Variants in ERCC8 observed in about 807,000 individuals in gnomAD.
ERCC8 encodes ERCC excision repair 8, CSA ubiquitin ligase complex subunit.
ERCC8 carries 52 observed loss-of-function variants against 54.9 expected under a neutral mutation model. That is an observed-to-expected ratio of 0.95 (90% CI 0.76 to 1.19). The LOEUF is 1.19. Ranked by LOEUF, ERCC8 falls within the 50% of genes most tolerant of loss-of-function variation. The pLI, the probability that ERCC8 is intolerant of heterozygous loss-of-function variation, is 0.00. For missense variants in ERCC8, 514 were observed against 466.1 expected (o/e 1.10, Z -0.95); for synonymous variants, 146 against 157.2 (o/e 0.93, Z 0.53).
intron 11 of ERCC8, among the ~76,000 whole-genome samples, chr5:60,883,372 C>T (rs963099876): frequency 2.0e-5 from 3 of 152,182 alleles, no homozygotes; most frequent in African/African-American, 7.2e-5. Flanking sequence ...ACCCACTGAT[C>T]AAGTGTCACT....
At chr5:60,882,990 C>CACACACAT (rs1748285556) in intron 11 of ERCC8, among the ~76,000 whole-genome samples, 1 of 151,426 alleles carries the variant, frequency 6.6e-6, no homozygotes, top group African/African-American at 2.4e-5. Flanking sequence ...CACACACACA[C>CACACACAT]ACACACACAC....
chr5:60,903,398 G>A (rs919753311), intron 6 of ERCC8: 6 of 476,534 alleles, frequency 1.3e-5, no homozygotes, highest in African/African-American at 8.0e-5. Flanking sequence ...AATAACACAA[G>A]GTTTTGAGTT....
Position 60,868,523 on chromosome 5 carries a change from T to G in ERCC8, c.*6092A>C, listed in dbSNP as rs1747799687. Among the ~76,000 whole-genome samples the G allele has an allele frequency of 6.6e-6, 1 of 152,202 alleles. No homozygotes were observed. Among genetic ancestry groups the G allele is most frequent in the East Asian group, 1.9e-4 (1 of 5,190 alleles). On this transcript the variant is annotated 3_prime_UTR_variant, in exon 12 of 12. Transcript: ENST00000676185. ...AAATTTTAATTGTCTAATTATTAGG[T>G]TGGTGCAAAAGTAATTGCAGTTTTT...
chr5:60,917,567 G>A (rs1749473355), intron 4 of ERCC8: 1 of 152,032 alleles, frequency 6.6e-6, no homozygotes, highest in African/African-American at 2.4e-5. Flanking sequence ...GTAAAGGCAA[G>A]GTAAATAGAA....
rs57423118 is a variant in ERCC8, at chr5:60,870,482, T to TAAAAAAAAAAA, written c.*4122_*4132dup. On this transcript the variant is annotated 3_prime_UTR_variant, in exon 12 of 12. Transcript: ENST00000676185. ...CAACATGGTGAAACCCCACCTCTGC[T>TAAAAAAAAAAA]AAAAAAAAAAAAAAAAAAAAAAAAA... Among the ~76,000 whole-genome samples the TAAAAAAAAAAA allele has an allele frequency of 1.4e-4, 7 of 48,790 alleles. No homozygotes were observed. The highest frequency in any genetic ancestry group is 2.8e-4 in the Admixed American group (1 of 3,606). The allele number at this position is 48,790 out of a possible 152,430, so 32.0% of individuals were successfully genotyped here.
intron 4 of ERCC8, chr5:60,917,856 GATCA>G (rs757244374): frequency 5.0e-5 from 10 of 201,178 alleles, no homozygotes; most frequent in Non-Finnish European, 7.2e-5. Context: ...CAAGTTTTTA[GATCA>G]ATCAAAGATA....
At chr5:60,914,246 A>G (rs1175808808) in intron 4 of ERCC8, among the ~76,000 whole-genome samples, 3 of 152,002 alleles carry the variant, frequency 2.0e-5, no homozygotes, top group African/African-American at 7.3e-5. Context: ...GTAGGTCTGT[A>G]TGGACTTGCT....
At position 60,944,948 on chromosome 5, in the gene ERCC8, C is replaced by T. The variant is rs1750391602; in HGVS notation, c.61G>A (p.Ala21Thr). 1.2e-6 allele frequency: 2 copies of T among 1,613,916 alleles called. No homozygotes were observed. Among genetic ancestry groups the T allele is most frequent in the African/African-American group, 1.3e-5 (1 of 74,912 alleles). Residue 21 changes from alanine (A) to threonine (T), a missense_variant, in exon 1 of 12, where the codon GCA (alanine) becomes ACA (threonine). Transcript: ENST00000676185. ...GLEDPLRLRR[A>T]ESTRRVLGLE... ...TTTCTTTACCTCCGTGTTGACTCTG[C>T]TCTCCGAAGGCGAAGAGGGTCCTCC... is the stretch of plus-strand genomic sequence containing the variant.
intron 10 of ERCC8, among the ~76,000 whole-genome samples, chr5:60,887,866 A>G (rs980691769): frequency 1.3e-5 from 2 of 152,238 alleles, no homozygotes; most frequent in African/African-American, 4.8e-5. Context: ...ACTGAGCTTC[A>G]ATAAAGACTT....
intron 9 of ERCC8, among the ~76,000 whole-genome samples, chr5:60,897,593 A>C (rs10067156): frequency 0.092 from 14,073 of 152,212 alleles, 1,905 homozygotes; most frequent in African/African-American, 0.3. Context: ...TATAACCTAC[A>C]TAAAAACAAG....
At chr5:60,939,485 TTA>T (rs869086391) in intron 1 of ERCC8, among the ~76,000 whole-genome samples, 1 of 148,378 alleles carries the variant, frequency 6.7e-6, no homozygotes, top group Non-Finnish European at 1.5e-5. Flanking sequence ...CTTCTTTTTT[TTA>T]ATTTTTAGAT....
intron 9 of ERCC8, chr5:60,892,677 G>C: frequency 1.5e-6 from 1 of 666,094 alleles, no homozygotes; most frequent in Admixed American, 2.1e-5. Context: ...TGGGGTCATG[G>C]GGTCTGCCAG....
intron 1 of ERCC8, among the ~76,000 whole-genome samples, chr5:60,942,732 T>A (rs2112553109): frequency 6.6e-6 from 1 of 152,280 alleles, no homozygotes; most frequent in South Asian, 2.1e-4. Flanking sequence ...GTTTCAAAAG[T>A]AAATATATGT....
At chr5:60,918,012 C>T (rs970932842) in intron 4 of ERCC8, 1 of 455,648 alleles carries the variant, frequency 2.2e-6, no homozygotes, top group Non-Finnish European at 4.1e-6. Flanking sequence ...TTAATCCTCA[C>T]AACCATACTA....
In ERCC8 at chr5:60,868,843, C is replaced by G. The variant is rs1209809516; in HGVS notation, c.*5772G>C. Among the ~76,000 whole-genome samples, 2 of 152,152 alleles carry G rather than the reference C, an allele frequency of 1.3e-5. No homozygotes were observed. Among genetic ancestry groups the G allele is most frequent in the Non-Finnish European group, 2.9e-5 (2 of 68,014 alleles). On this transcript the variant is annotated 3_prime_UTR_variant, in exon 12 of 12. Coordinates refer to ENST00000676185, the MANE Select transcript of ERCC8 (RefSeq NM_000082.4). Reference sequence around the variant, plus strand: ...CAGAATTAAAACAGAAGAACTAGCACTATCCTGAGCCCTAGATTTAACCTT... The same window carrying G: ...CAGAATTAAAACAGAAGAACTAGCAGTATCCTGAGCCCTAGATTTAACCTT...
intron 11 of ERCC8, 113 bp downstream of exon 11, chr5:60,887,327 T>C (rs1022750453): frequency 1.0e-5 from 9 of 882,220 alleles, no homozygotes; most frequent in Middle Eastern, 2.3e-4. Context: ...CCTGGGACTA[T>C]AGGTGCATGC....
At chr5:60,913,535 A>G (rs1191458947) in intron 4 of ERCC8, among the ~76,000 whole-genome samples, 1 of 152,012 alleles carries the variant, frequency 6.6e-6, no homozygotes, top group African/African-American at 2.4e-5. Context: ...GACCTTTTCA[A>G]AAAACCTGCT....
At chr5:60,877,787 T>G (rs1300750763) in intron 11 of ERCC8, among the ~76,000 whole-genome samples, 3 of 152,218 alleles carry the variant, frequency 2.0e-5, no homozygotes, top group Non-Finnish European at 2.9e-5. Context: ...ACAATGGGGT[T>G]TTCTAGATAT....
At chr5:60,889,662 G>T (rs1748491476) in intron 10 of ERCC8, among the ~76,000 whole-genome samples, 1 of 152,200 alleles carries the variant, frequency 6.6e-6, no homozygotes, top group Non-Finnish European at 1.5e-5. Flanking sequence ...TTGGTAGAAA[G>T]AAATAATTTG....
Sources: allele counts gnomAD v4.1 joint callset (sites outside exome capture counted in the v4.1 genomes callset), GRCh38; gene constraint gnomAD v4.1.1; transcripts MANE v1.5; gene names NCBI Gene and HGNC (gene_info 2026-07-23, HGNC 2026-07-21).